Variants in CAD observed in about 807,000 individuals in gnomAD.
The protein encoded by CAD is multifunctional protein CAD.
A neutral mutation model predicts 237.2 loss-of-function variants in CAD; 81 were observed. The ratio of observed to expected loss-of-function variants is 0.34; its 90% confidence interval spans 0.29 to 0.41. The LOEUF (loss-of-function observed/expected upper bound fraction) is 0.41, where lower values mean the gene tolerates loss of function less well. CAD is among the 10% of genes least tolerant of loss of function. The pLI, the probability that CAD is intolerant of heterozygous loss-of-function variation, is 1.00. For missense variants in CAD, 2,181 were observed against 2,951.7 expected (o/e 0.74, Z 6.05); for synonymous variants, 1,196 against 1,162.8 (o/e 1.03, Z -0.58).
chr2:27,218,722 T>C (rs1424966302), intron 2 of CAD, among the ~76,000 whole-genome samples: 1 of 152,132 alleles, frequency 6.6e-6, no homozygotes, highest in Non-Finnish European at 1.5e-5. Context: ...ACCTCTGAAA[T>C]TTGGAAACTA....
chr2:27,219,395 G>A (rs566617824), intron 2 of CAD, among the ~76,000 whole-genome samples: 214 of 151,714 alleles, frequency 1.4e-3, no homozygotes, highest in Non-Finnish European at 2.6e-3. Flanking sequence ...AGGCTGGAGT[G>A]CAGTGGCATA....
Position 27,237,474 on chromosome 2 carries a change from A to G in CAD, c.4492A>G (p.Thr1498Ala), listed in dbSNP as rs1340445022. The change falls in exon 28 of 44, where the codon ACC becomes GCC. Residue 1498 changes from threonine to alanine, a missense_variant. By Grantham distance (58) the Thr-to-Ala change is moderately conservative (BLOSUM62 0). Transcript: ENST00000264705. The surrounding 1 kb of genome is among the most constrained non-coding windows in gnomAD (Gnocchi z 4.0). ...AGCCGCTGCCCTGGCTGGGGGTATC[A>G]CCATGGTGTGTGCCATGCCTAATAC... Reference protein sequence around the residue: ...GTAAALAGGITMVCAMPNTRP... With the variant: ...GTAAALAGGIAMVCAMPNTRP... 6.2e-7 allele frequency: 1 copy of G among 1,614,140 alleles called. No homozygotes were observed. The highest frequency in any genetic ancestry group is 1.7e-5 in the Admixed American group (1 of 60,030).
At chr2:27,229,443 T>A (rs907507271) in intron 15 of CAD, among the ~76,000 whole-genome samples, 84 of 152,026 alleles carry the variant, frequency 5.5e-4, no homozygotes, top group Non-Finnish European at 7.9e-4. Flanking sequence ...TTTTTTTTTT[T>A]AATTATTATT....
chr2:27,237,714 C>A lies in CAD; in HGVS notation c.4564-4C>A, dbSNP rs773612945. ...TGAGCCTTACCTCTGTGTATCCTCT[C>A]CAGCTGGCAGAGGCTGGCGCCCGGT... On this transcript the variant is annotated splice_polypyrimidine_tract_variant and splice_region_variant and intron_variant, in intron 28 of 43. Coordinates refer to ENST00000264705, the MANE Select transcript of CAD (RefSeq NM_004341.5). The surrounding 1 kb of genome is among the most constrained non-coding windows in gnomAD (Gnocchi z 4.0). The A allele has an allele frequency of 1.2e-6, 2 of 1,611,110 alleles. No homozygotes were observed. Among genetic ancestry groups the A allele is most frequent in the Non-Finnish European group, 1.7e-6 (2 of 1,178,510 alleles).
At position 27,243,712 on chromosome 2, in the gene CAD, C is replaced by A. The variant is rs1676447963; in HGVS notation, c.*194C>A. 1 of 599,318 alleles carries A rather than the reference C, an allele frequency of 1.7e-6. No homozygotes were observed. The highest frequency in any genetic ancestry group is 2.8e-5 in the East Asian group (1 of 36,242). The allele number at this position is 599,318 out of a possible 1,614,324, so 37.1% of individuals were successfully genotyped here. ...TCAGATGCTGGGGCCCAGTCTGCCC[C>A]ATCTTCATTCCTGCACCTTAAACCT... On this transcript the variant is annotated 3_prime_UTR_variant, in exon 44 of 44. Coordinates refer to ENST00000264705, the MANE Select transcript of CAD (RefSeq NM_004341.5).
intron 13 of CAD, 89 bp downstream of exon 13, chr2:27,226,408 T>C: frequency 1.3e-5 from 20 of 1,542,112 alleles, no homozygotes; most frequent in Non-Finnish European, 1.8e-5. Context: ...TCTTTTGGGC[T>C]TACAGTCCCT....
At position 27,242,888 on chromosome 2, in the gene CAD, T is replaced by C. The variant is rs1298080087; in HGVS notation, c.6395T>C (p.Ile2132Thr). 1.9e-6 allele frequency: 3 copies of C among 1,613,948 alleles called. No individual in the cohort carries two copies. The highest frequency in any genetic ancestry group is 2.2e-5 in the East Asian group (1 of 44,880). ...RGTKQEEFES[I>T]EEALPDTDVL... ...ACCCTCCAGGAGGAATTCGAGAGCA[T>C]TGAGGAGGCGCTGCCTGACACTGAT... The change falls in exon 42 of 44, where the codon ATT becomes ACT. Residue 2132 changes from isoleucine to threonine, a missense_variant. This residue lies in a region of CAD where 170 missense variants were observed against 212.1 expected (regional missense o/e 0.80). Transcript: ENST00000264705. This position sits in a 1 kb window ranked among gnomAD's most constrained non-coding sequence, Gnocchi z 6.4.
In CAD at chr2:27,217,404, C is replaced by G. The variant is rs1045470531; in HGVS notation, c.-148C>G. The G allele has an allele frequency of 2.9e-5, 21 of 729,920 alleles. No individual in the cohort carries two copies. The highest frequency in any genetic ancestry group is 3.6e-5 in the African/African-American group (2 of 55,172). 45.2% of individuals were successfully genotyped at this position (729,920 alleles called of 1,614,324 possible). A position where few individuals can be genotyped will look rare whatever the true frequency, so the allele number is the denominator to read the frequency against. On this transcript the variant is annotated 5_prime_UTR_variant, in exon 1 of 44. Transcript: ENST00000264705. ...GCTGCCGCCAAGCGCGCCCGAGGCT[C>G]CTACGCTGCCGCGCCCGGCTTCTCT...
chr2:27,239,615 C>T lies in CAD; in HGVS notation c.5395-82C>T, dbSNP rs1676199103. The T allele has an allele frequency of 2.0e-6, 3 of 1,481,052 alleles. No homozygotes were observed. Among genetic ancestry groups the T allele is most frequent in the Non-Finnish European group, 2.8e-6 (3 of 1,079,714 alleles). 91.7% of individuals were successfully genotyped at this position (1,481,052 alleles called of 1,614,324 possible). A position where few individuals can be genotyped will look rare whatever the true frequency, so the allele number is the denominator to read the frequency against. ...TTGGGGGCACAGCTCCCCCAAGGTG[C>T]TTTTTGTCCTTGCTGACATCTACCC... On this transcript the variant is annotated intron_variant, in intron 33 of 43. Transcript: ENST00000264705. This position sits in a 1 kb window ranked among gnomAD's most constrained non-coding sequence, Gnocchi z 4.0.
chr2:27,222,809 G>T, intron 5 of CAD, 57 bp from the exon 6 acceptor site: 2 of 1,592,152 alleles, frequency 1.3e-6, no homozygotes, highest in Middle Eastern at 1.7e-4. Context: ...GGGGCTGCAG[G>T]TGTGTCTCCT....
chr2:27,222,356 G>C lies in CAD; in HGVS notation c.495+20G>C, dbSNP rs377736681. The C allele has an allele frequency of 1.2e-6, 2 of 1,601,676 alleles. No individual in the cohort carries two copies. Among genetic ancestry groups the C allele is most frequent in the African/African-American group, 2.7e-5 (2 of 74,724 alleles). On this transcript the variant is annotated intron_variant, in intron 4 of 43. Transcript: ENST00000264705. ...ATTAAGGTACAGAGGTAGAGTGGGA[G>C]AGTGTTGCAAGCTCTAGCACAGTAG...
At chr2:27,223,170 C>T in intron 6 of CAD, 133 bp downstream of exon 6, 1 of 908,138 alleles carries the variant, frequency 1.1e-6, no homozygotes, top group South Asian at 1.6e-5. Context: ...GTGGCTCCCA[C>T]CTGTAATCCC....
chr2:27,217,457 G>A lies in CAD; in HGVS notation c.-95G>A, dbSNP rs1422581881. 1 of 1,108,808 alleles carries A rather than the reference G, an allele frequency of 9.0e-7. No homozygotes were observed. The highest frequency in any genetic ancestry group is 2.0e-5 in the Admixed American group (1 of 50,320). 68.7% of individuals were successfully genotyped at this position (1,108,808 alleles called of 1,614,324 possible). A position where few individuals can be genotyped will look rare whatever the true frequency, so the allele number is the denominator to read the frequency against. On this transcript the variant is annotated 5_prime_UTR_variant, in exon 1 of 44. Coordinates refer to ENST00000264705, the MANE Select transcript of CAD (RefSeq NM_004341.5). The stretch of plus-strand genomic sequence containing the variant: ...AGCGCCCCGCGCCGTTAGCCACGTG[G>A]ACCGACTCCGGCGCGCCGTCCTCAC...
chr2:27,233,621 T>C lies in CAD; in HGVS notation c.3217-5T>C, dbSNP rs1675870050. 6.2e-7 allele frequency: 1 copy of C among 1,613,990 alleles called. No homozygotes were observed. Among genetic ancestry groups the C allele is most frequent in the Admixed American group, 1.7e-5 (1 of 60,006 alleles). ...CAACTCAGCTAAGCTCCCTGCCTCC[T>C]GTAGTCTGCTCGCCAATTCTGCCAG... On this transcript the variant is annotated splice_polypyrimidine_tract_variant and splice_region_variant and intron_variant, in intron 20 of 43. Transcript: ENST00000264705. The surrounding 1 kb of genome is among the most constrained non-coding windows in gnomAD (Gnocchi z 6.3).
intron 2 of CAD, 82 bp downstream of exon 2, chr2:27,218,098 C>A: frequency 8.0e-7 from 1 of 1,247,512 alleles, no homozygotes. Context: ...ACGTTGACAC[C>A]CTGCTGGGCA....
At chr2:27,225,389 C>A (rs1298965281) in intron 11 of CAD, 146 bp downstream of exon 11, 4 of 604,868 alleles carry the variant, frequency 6.6e-6, no homozygotes, top group Non-Finnish European at 1.1e-5. Context: ...TCATCATAAC[C>A]TCCACCTCCC....
rs374198129 is a variant in CAD, at chr2:27,222,941, G to A, written c.713G>A (p.Arg238His). 1.1e-4 allele frequency: 175 copies of A among 1,614,050 alleles called. No individual in the cohort carries two copies. The Admixed American group carries it at 2.0e-3, about 18-fold the overall frequency. Reference protein sequence around the residue: ...SYPSVVSTLSRVLSEPNPRPV... With the variant: ...SYPSVVSTLSHVLSEPNPRPV... ...CCCAGTGTCGTATCCACACTGAGCCGTGTTTTATCTGAGCCTAATCCCCGA... is the reference window on the plus strand; with the variant it reads ...CCCAGTGTCGTATCCACACTGAGCCATGTTTTATCTGAGCCTAATCCCCGA... The change falls in exon 6 of 44, where the codon CGT becomes CAT. Residue 238 changes from arginine (R) to histidine (H), a missense_variant. By Grantham distance (29) the Arg-to-His change is conservative. This residue lies in a region of CAD where 314 missense variants were observed against 339.4 expected (regional missense o/e 0.93). Coordinates refer to ENST00000264705, the MANE Select transcript of CAD (RefSeq NM_004341.5).
At chr2:27,223,787 CTG>C in intron 7 of CAD, 39 bp downstream of exon 7, 1 of 1,606,406 alleles carries the variant, frequency 6.2e-7, no homozygotes, top group Non-Finnish European at 8.5e-7. Context: ...ATTTGAAGCC[CTG>C]TGGGCCTTGA....
At position 27,240,197 on chromosome 2, in the gene CAD, C is replaced by T. The variant is rs1676237444; in HGVS notation, c.5497-68C>T. 10 of 1,319,950 alleles carry T rather than the reference C, an allele frequency of 7.6e-6. No individual in the cohort carries two copies. Among genetic ancestry groups the T allele is most frequent in the South Asian group, 2.5e-5 (2 of 80,962 alleles). The allele number at this position is 1,319,950 out of a possible 1,614,324, so 81.8% of individuals were successfully genotyped here. On this transcript the variant is annotated intron_variant, in intron 34 of 43. Coordinates refer to ENST00000264705, the MANE Select transcript of CAD (RefSeq NM_004341.5). The surrounding 1 kb of genome is among the most constrained non-coding windows in gnomAD (Gnocchi z 4.6). Reference sequence around the variant, plus strand: ...TCACGCCACTGCACTCCAGCCTGAGCGACAGAACGAGACTCCGTCTCAAAA... The same window carrying T: ...TCACGCCACTGCACTCCAGCCTGAGTGACAGAACGAGACTCCGTCTCAAAA...
Sources: gnomAD v4.1 joint callset for allele counts (sites outside exome capture counted in the v4.1 genomes callset) on GRCh38, gnomAD v4.1.1 for gene constraint, gnomAD v4.1.1 regional missense constraint, Gnocchi (gnomAD v3.1) non-coding constraint, MANE v1.5 for transcripts, NCBI Gene and HGNC (gene_info 2026-07-23, HGNC 2026-07-21) for gene names.